The following FBXO11 variants were observed in gnomAD, a reference collection of about 807,000 sequenced individuals.
The protein encoded by FBXO11 is F-box protein 11.
Under a neutral mutation model 117.0 loss-of-function variants are expected in FBXO11, and 13 were observed. The observed-to-expected ratio is 0.11, with a 90% CI of 0.07 to 0.18. FBXO11 has a LOEUF of 0.18. Ranked by LOEUF, FBXO11 falls within the 10% of genes least tolerant of loss-of-function variation. The pLI is 1.00. For synonymous variants in FBXO11, 490 were observed against 380.5 expected (o/e 1.29, Z -3.35); for missense variants, 767 against 1,164.4 (o/e 0.66, Z 4.97).
chr2:47,899,800 G>C (rs936792114), intron 1 of FBXO11, among the ~76,000 whole-genome samples: 1 of 152,174 alleles, frequency 6.6e-6, no homozygotes, highest in Non-Finnish European at 1.5e-5. Flanking sequence ...GTCTAAAACA[G>C]AGTAATACTT....
intron 1 of FBXO11, among the ~76,000 whole-genome samples, chr2:47,901,520 G>A (rs1201034092): frequency 1.3e-5 from 2 of 152,070 alleles, no homozygotes; most frequent in Non-Finnish European, 2.9e-5. Flanking sequence ...GAATTTAGTA[G>A]CTGGAGGCTG....
At chr2:47,865,506 G>T (rs1252997935) in intron 1 of FBXO11, among the ~76,000 whole-genome samples, 1 of 152,212 alleles carries the variant, frequency 6.6e-6, no homozygotes, top group Non-Finnish European at 1.5e-5. Context: ...AAATAAAACA[G>T]GGGCCTAGGT....
chr2:47,890,425 A>G (rs1158988807), intron 1 of FBXO11, among the ~76,000 whole-genome samples: 1 of 152,210 alleles, frequency 6.6e-6, no homozygotes, highest in Non-Finnish European at 1.5e-5. Context: ...AATATGTAAC[A>G]TTTAAGCTTT....
At chr2:47,811,601 A>G (rs1033036731) in intron 18 of FBXO11, 2 of 152,264 alleles carry the variant, frequency 1.3e-5, no homozygotes, top group South Asian at 2.1e-4. Context: ...ATTCCAGAAG[A>G]CAACCTTGGA....
chr2:47,808,611 G>A (rs1670388978), intron 21 of FBXO11, 184 bp from the exon 22 acceptor site: 1 of 509,632 alleles, frequency 2.0e-6, no homozygotes, highest in African/African-American at 1.9e-5. Context: ...TGTCATCTGT[G>A]TCTTCGGAGG....
intron 1 of FBXO11, among the ~76,000 whole-genome samples, chr2:47,898,986 A>G (rs1677887478): frequency 6.6e-6 from 1 of 152,010 alleles, no homozygotes; most frequent in African/African-American, 2.4e-5. Flanking sequence ...CAGAATTGGT[A>G]TAAGGGGGCC....
At chr2:47,811,933 C>T (rs1211675345) in intron 18 of FBXO11, among the ~76,000 whole-genome samples, 3 of 152,108 alleles carry the variant, frequency 2.0e-5, no homozygotes, top group Non-Finnish European at 2.9e-5. Context: ...GTATCATTAA[C>T]ATGTCCCACC....
At chr2:47,839,539 T>G (rs769636223) in intron 2 of FBXO11, 39 bp from the exon 3 acceptor site, 2 of 1,607,992 alleles carry the variant, frequency 1.2e-6, no homozygotes, top group Non-Finnish European at 8.5e-7. Context: ...GCAAATATTC[T>G]TATCATCCAT....
intron 13 of FBXO11, among the ~76,000 whole-genome samples, chr2:47,820,660 G>T (rs1285649139): frequency 6.6e-6 from 1 of 152,220 alleles, no homozygotes; most frequent in Non-Finnish European, 1.5e-5. Context: ...GAGCCGAGCT[G>T]CCACATTTTG....
intron 1 of FBXO11, among the ~76,000 whole-genome samples, chr2:47,884,296 T>C (rs1288722964): frequency 6.6e-6 from 1 of 152,240 alleles, no homozygotes; most frequent in Non-Finnish European, 1.5e-5. Flanking sequence ...TGTGCACATG[T>C]GTACAGCTCT....
At chr2:47,902,670 TA>T (rs1678385867) in intron 1 of FBXO11, among the ~76,000 whole-genome samples, 1 of 152,144 alleles carries the variant, frequency 6.6e-6, no homozygotes, top group African/African-American at 2.4e-5. Flanking sequence ...ATGAAGCAGC[TA>T]AAGACCATTC....
chr2:47,851,227 C>A (rs1479255578), intron 1 of FBXO11, among the ~76,000 whole-genome samples: 1 of 152,020 alleles, frequency 6.6e-6, no homozygotes, highest in Non-Finnish European at 1.5e-5. Context: ...TTAATTTTTT[C>A]TTTTCTTTTC....
intron 1 of FBXO11, among the ~76,000 whole-genome samples, chr2:47,850,165 T>C (rs1382521702): frequency 2.6e-5 from 4 of 152,064 alleles, no homozygotes; most frequent in African/African-American, 9.7e-5. Context: ...TATGGTGGGC[T>C]GGGGGTGGAG....
chr2:47,852,836 T>A (rs1572847679), intron 1 of FBXO11, among the ~76,000 whole-genome samples: 1 of 152,200 alleles, frequency 6.6e-6, no homozygotes, highest in Non-Finnish European at 1.5e-5. Flanking sequence ...ATTCCTATGT[T>A]ATTGATGAGG....
At chr2:47,835,654 T>G (rs867706465) in intron 5 of FBXO11, among the ~76,000 whole-genome samples, 1 of 152,106 alleles carries the variant, frequency 6.6e-6, no homozygotes, top group Non-Finnish European at 1.5e-5. Flanking sequence ...TGCGCCACCA[T>G]GTCCGGCTAA....
intron 16 of FBXO11, among the ~76,000 whole-genome samples, chr2:47,818,077 T>C (rs974006798): frequency 1.3e-5 from 2 of 152,152 alleles, no homozygotes; most frequent in Non-Finnish European, 2.9e-5. Flanking sequence ...ATCGTGCCAT[T>C]GCACTCCAGC....
At chr2:47,849,156 T>TAA (rs67382590) in intron 1 of FBXO11, among the ~76,000 whole-genome samples, 3 of 151,926 alleles carry the variant, frequency 2.0e-5, no homozygotes, top group African/African-American at 7.3e-5. Context: ...CTCTAACTGC[T>TAA]AAAAAAATTC....
intron 1 of FBXO11, 63 bp downstream of exon 1, chr2:47,905,426 G>GCCCC (rs1678709652): frequency 1.8e-6 from 2 of 1,094,524 alleles, no homozygotes; most frequent in Admixed American, 5.0e-5. Flanking sequence ...CCGCCCGCCC[G>GCCCC]CCCCGGCCTC....
At chr2:47,836,840 G>A (rs1672604969) in intron 4 of FBXO11, 1 of 256,626 alleles carries the variant, frequency 3.9e-6, no homozygotes, top group Non-Finnish European at 7.9e-6. Context: ...CTGGAGTGCA[G>A]AGGCGTGATC....
Sources: allele counts gnomAD v4.1 joint callset (sites outside exome capture counted in the v4.1 genomes callset), GRCh38; gene constraint gnomAD v4.1.1; transcripts MANE v1.5; gene names NCBI Gene and HGNC (gene_info 2026-07-23, HGNC 2026-07-21).